MTHFD1L: variants seen among roughly 807,000 people sequenced by gnomAD.
The protein encoded by MTHFD1L is monofunctional C1-tetrahydrofolate synthase, mitochondrial.
Under a neutral mutation model 119.5 loss-of-function variants are expected in MTHFD1L, and 81 were observed. That is an observed-to-expected ratio of 0.68 (90% CI 0.57 to 0.82). The LOEUF (loss-of-function observed/expected upper bound fraction) is 0.82. Ranked by LOEUF, MTHFD1L falls within the 40% of genes least tolerant of loss-of-function variation. The pLI, the probability that MTHFD1L is intolerant of heterozygous loss-of-function variation, is 0.00. For synonymous variants in MTHFD1L, 430 were observed against 475.2 expected (o/e 0.90, Z 1.24); for missense variants, 1,125 against 1,253.4 (o/e 0.90, Z 1.55).
chr6:150,955,650 C>A (rs1215409266), intron 16 of MTHFD1L, among the ~76,000 whole-genome samples: 1 of 152,046 alleles, frequency 6.6e-6, no homozygotes, highest in African/African-American at 2.4e-5. Flanking sequence ...CAGGCACACA[C>A]AACCATGCCT....
chr6:150,923,544 CTTTTTTTTTTT>C (rs61415562), intron 10 of MTHFD1L, among the ~76,000 whole-genome samples: 1 of 53,228 alleles, frequency 1.9e-5, no homozygotes, highest in Admixed American at 2.2e-4. Context: ...TTTATTTTTT[CTTTTTTTTTTT>C]TTTTTTTTTG....
chr6:150,969,066 C>T (rs1272171674), intron 19 of MTHFD1L, among the ~76,000 whole-genome samples: 1 of 151,928 alleles, frequency 6.6e-6, no homozygotes, highest in Admixed American at 6.6e-5. Context: ...CCAGGCTGGT[C>T]TCGAACTCCT....
At position 150,960,353 on chromosome 6, in the gene MTHFD1L, C is replaced by A; in HGVS notation, c.1882C>A (p.Arg628=). ...GGACAGCCTCGCAGACATGAAGGCA[C>A]GGCTGGGAAGGATGGTGGTGGCCAG... ...LTDSLADMKA[R]LGRMVVASDK... is the part of the protein sequence containing the mutation. The change falls in exon 18 of 28, where the codon CGG becomes AGG. Residue 628 remains arginine, a synonymous_variant. Transcript: ENST00000367321. 1 of 1,614,006 alleles carries A rather than the reference C, an allele frequency of 6.2e-7. No homozygotes were observed. Among genetic ancestry groups the A allele is most frequent in the Non-Finnish European group, 8.5e-7 (1 of 1,179,962 alleles).
intron 20 of MTHFD1L, among the ~76,000 whole-genome samples, chr6:151,000,285 C>T (rs990859714): frequency 6.7e-6 from 1 of 149,608 alleles, no homozygotes; most frequent in Non-Finnish European, 1.5e-5. Flanking sequence ...TGCAGTGAGC[C>T]GAGATCGTGC....
chr6:150,901,600 A>C (rs1288944309), intron 7 of MTHFD1L, among the ~76,000 whole-genome samples: 3 of 152,202 alleles, frequency 2.0e-5, no homozygotes, highest in Non-Finnish European at 4.4e-5. Flanking sequence ...GTCCCAGTTC[A>C]TTGAGAGTGA....
intron 24 of MTHFD1L, among the ~76,000 whole-genome samples, chr6:151,017,440 G>A (rs923371717): frequency 1.5e-4 from 23 of 151,834 alleles, no homozygotes; most frequent in African/African-American, 2.4e-4. Context: ...TTCTGCTCTC[G>A]GGTTCAAGCA....
Position 150,871,495 on chromosome 6 carries a change from CTTTTTTTTTTTT to C in MTHFD1L, c.228-4582_228-4571del, listed in dbSNP as rs149449398. ...AGTACTTGATATCAACTACTGTAATCTTTTTTTTTTTTTTTTTTTTTTTTGAGATGGAATCTT... is the reference window on the plus strand; with the variant it reads ...AGTACTTGATATCAACTACTGTAATCTTTTTTTTTTTTGAGATGGAATCTT... On this transcript the variant is annotated intron_variant, in intron 1 of 27. Coordinates refer to ENST00000367321, the MANE Select transcript of MTHFD1L (RefSeq NM_015440.5). Among the ~76,000 whole-genome samples the C allele has an allele frequency of 6.9e-5, 7 of 102,144 alleles. No homozygotes were observed. The South Asian group carries it at 1.8e-3, about 26-fold the overall frequency. The allele number at this position is 102,144 out of a possible 152,430, so 67.0% of individuals were successfully genotyped here. A position where few individuals can be genotyped will look rare whatever the true frequency, so the allele number is the denominator to read the frequency against.
chr6:150,954,754 C>A (rs1018660728), intron 16 of MTHFD1L, among the ~76,000 whole-genome samples: 1 of 151,984 alleles, frequency 6.6e-6, no homozygotes, highest in Non-Finnish European at 1.5e-5. Flanking sequence ...CAGCCTCAAC[C>A]CCCAAGACTC....
chr6:150,959,091 C>G lies in MTHFD1L; in HGVS notation c.1804-1184C>G, dbSNP rs945138477. On this transcript the variant is annotated intron_variant, in intron 17 of 27. Coordinates refer to ENST00000367321, the MANE Select transcript of MTHFD1L (RefSeq NM_015440.5). ...CCCTAAATTTCATACAATGAAAGACCACTTATGTTTGGAATGAGTTATATT... is the reference window on the plus strand; with the variant it reads ...CCCTAAATTTCATACAATGAAAGACGACTTATGTTTGGAATGAGTTATATT... 5.6e-6 allele frequency: 4 copies of G among 708,154 alleles called. No homozygotes were observed. In the South Asian group the frequency reaches 1.9e-4, roughly 34 times the overall value. The allele number at this position is 708,154 out of a possible 1,614,324, so 43.9% of individuals were successfully genotyped here.
At chr6:150,877,749 A>G (rs201336969) in intron 3 of MTHFD1L, 24 bp from the exon 4 acceptor site, 58 of 1,614,242 alleles carry the variant, frequency 3.6e-5, no homozygotes, top group Non-Finnish European at 4.8e-5. Context: ...TATAGTGACG[A>G]ATAACCTTGT....
At chr6:150,887,772 T>C in intron 6 of MTHFD1L, 73 bp from the exon 7 acceptor site, 1 of 1,463,580 alleles carries the variant, frequency 6.8e-7, no homozygotes, top group Admixed American at 2.5e-5. Context: ...GGGTCTTTTT[T>C]TCTTAAGATA....
chr6:150,909,477 A>G (rs1292050703), intron 8 of MTHFD1L, among the ~76,000 whole-genome samples: 1 of 152,158 alleles, frequency 6.6e-6, no homozygotes, highest in East Asian at 1.9e-4. Flanking sequence ...TCCCGGCCTC[A>G]AATAGTCCTC....
chr6:151,006,486 T>G (rs940123696), intron 20 of MTHFD1L, among the ~76,000 whole-genome samples: 46 of 152,076 alleles, frequency 3.0e-4, no homozygotes, highest in African/African-American at 1.1e-3. Context: ...GACTTTTATA[T>G]TAAGGCACTT....
chr6:150,919,760 A>G (rs1357575621), intron 9 of MTHFD1L, among the ~76,000 whole-genome samples: 1 of 152,204 alleles, frequency 6.6e-6, no homozygotes, highest in Non-Finnish European at 1.5e-5. Flanking sequence ...AACCATCATG[A>G]GAAACTAGCC....
At chr6:150,902,066 T>G (rs1785176221) in intron 7 of MTHFD1L, among the ~76,000 whole-genome samples, 1 of 152,218 alleles carries the variant, frequency 6.6e-6, no homozygotes, top group South Asian at 2.1e-4. Context: ...TAGCAGAAGA[T>G]ACATACTGTC....
intron 5 of MTHFD1L, 67 bp from the exon 6 acceptor site, chr6:150,885,567 A>G: frequency 8.8e-7 from 1 of 1,132,516 alleles, no homozygotes; most frequent in Admixed American, 1.7e-5. Context: ...TAATATATGT[A>G]CATTACACGT....
At chr6:150,958,148 G>A (rs1000617792) in intron 17 of MTHFD1L, among the ~76,000 whole-genome samples, 7 of 152,088 alleles carry the variant, frequency 4.6e-5, no homozygotes, top group Non-Finnish European at 1.0e-4. Flanking sequence ...GTGTTGCTTC[G>A]TGCATAGATA....
chr6:151,033,974 A>G (rs1380126659), intron 24 of MTHFD1L, among the ~76,000 whole-genome samples: 1 of 152,026 alleles, frequency 6.6e-6, no homozygotes. Flanking sequence ...CCAGGAGTTC[A>G]AGACCAACCT....
rs574205582 is a variant in MTHFD1L, at chr6:150,889,876, GC to G, written c.780+1897del. ...TTTCACTCTAAATATATATGATATG[GC>G]CAGGCATGATAGCTCACCCCTGTAA... On this transcript the variant is annotated intron_variant, in intron 7 of 27. Transcript: ENST00000367321. Among the ~76,000 whole-genome samples, 39 of 152,228 alleles carry G rather than the reference GC, an allele frequency of 2.6e-4. No individual in the cohort carries two copies. In the South Asian group the frequency reaches 4.4e-3, roughly 17 times the overall value.
Sources: gnomAD v4.1 joint callset for allele counts (sites outside exome capture counted in the v4.1 genomes callset) on GRCh38, gnomAD v4.1.1 for gene constraint, MANE v1.5 for transcripts, NCBI Gene and HGNC (gene_info 2026-07-23, HGNC 2026-07-21) for gene names.